Variants in EYS observed in about 807,000 individuals in gnomAD.
The protein encoded by EYS is EGF-like photoreceptor maintenance factor, also known as protein eyes shut homolog.
Under a neutral mutation model 282.1 loss-of-function variants are expected in EYS, and 250 were observed. The ratio of observed to expected loss-of-function variants is 0.89; its 90% confidence interval spans 0.80 to 0.98. The LOEUF (loss-of-function observed/expected upper bound fraction) is 0.98, where lower values mean the gene tolerates loss of function less well. Ranked by LOEUF, EYS falls within the 50% of genes least tolerant of loss-of-function variation. The pLI, the probability that EYS is intolerant of heterozygous loss-of-function variation, is 0.00. For missense variants in EYS, 4,016 were observed against 3,709.0 expected (o/e 1.08, Z -2.15); for synonymous variants, 1,355 against 1,282.9 (o/e 1.06, Z -1.20).
chr6:64,861,696 T>A (rs1248453743), intron 19 of EYS, among the ~76,000 whole-genome samples: 1 of 152,216 alleles, frequency 6.6e-6, no homozygotes, highest in Non-Finnish European at 1.5e-5. Flanking sequence ...TTTCTGAACC[T>A]TATAATATAA....
chr6:63,787,988 A>G lies in EYS; in HGVS notation c.7723+117T>C, dbSNP rs186570948. 2,539 of 732,788 alleles carry G rather than the reference A, an allele frequency of 3.5e-3. 15 individuals are homozygous for G. Among genetic ancestry groups the G allele is most frequent in the Non-Finnish European group, 4.2e-3 (2,033 of 482,098 alleles). 45.4% of individuals were successfully genotyped at this position (732,788 alleles called of 1,614,324 possible). A position where few individuals can be genotyped will look rare whatever the true frequency, so the allele number is the denominator to read the frequency against. On this transcript the variant is annotated intron_variant, in intron 39 of 42. Coordinates refer to ENST00000503581, the MANE Select transcript of EYS (RefSeq NM_001142800.2). Reference sequence around the variant, plus strand: ...TTCTGATTAAAATCAAACTTTGTTCAAGTCTGAAAGCAATCCATATAGCTG... The same window carrying G: ...TTCTGATTAAAATCAAACTTTGTTCGAGTCTGAAAGCAATCCATATAGCTG...
At chr6:64,643,109 C>T (rs1362731676) in intron 22 of EYS, among the ~76,000 whole-genome samples, 2 of 77,708 alleles carry the variant, frequency 2.6e-5, no homozygotes, top group Admixed American at 1.9e-4. Flanking sequence ...GAGTGAAACT[C>T]CATCCCCCCC....
At chr6:64,933,191 A>T (rs1233292960) in intron 15 of EYS, among the ~76,000 whole-genome samples, 1 of 152,034 alleles carries the variant, frequency 6.6e-6, no homozygotes, top group Non-Finnish European at 1.5e-5. Flanking sequence ...ATGTCTTACC[A>T]AATCAGTAAT....
At chr6:63,827,225 C>T (rs1771493438) in intron 36 of EYS, among the ~76,000 whole-genome samples, 1 of 152,154 alleles carries the variant, frequency 6.6e-6, no homozygotes, top group Non-Finnish European at 1.5e-5. Context: ...GAAAATATCA[C>T]AAACCTAAAC....
rs529095555 is a variant in EYS at position 65,226,366 on chromosome 6, G to GA, written c.2023+69496dup. Among the ~76,000 whole-genome samples, 5 of 151,446 alleles carry GA rather than the reference G, an allele frequency of 3.3e-5. 1 individual carries two copies. The highest frequency in any genetic ancestry group is 2.6e-4 in the Admixed American group (4 of 15,196). ...ACACTCTAAACTGCAGAATATTACT[G>GA]AAAAAAAATTAAAAAACTAAATAAA... On this transcript the variant is annotated intron_variant, in intron 12 of 42. Transcript: ENST00000503581.
chr6:64,849,634 T>G (rs1385925966), intron 19 of EYS, among the ~76,000 whole-genome samples: 3 of 152,028 alleles, frequency 2.0e-5, no homozygotes, highest in Non-Finnish European at 4.4e-5. Flanking sequence ...CAGACAGATC[T>G]TTTCTGGAGG....
At chr6:64,315,782 C>T (rs966404006) in intron 29 of EYS, among the ~76,000 whole-genome samples, 1 of 151,578 alleles carries the variant, frequency 6.6e-6, no homozygotes, top group African/African-American at 2.4e-5. Context: ...ACATTTCAGG[C>T]CAATATCCCT....
chr6:65,211,441 T>A (rs945969461), intron 12 of EYS, among the ~76,000 whole-genome samples: 2 of 151,830 alleles, frequency 1.3e-5, no homozygotes, highest in Non-Finnish European at 2.9e-5. Flanking sequence ...TTAGAAAAAA[T>A]TTTGATGGAA....
chr6:64,836,959 G>A (rs982826480), intron 19 of EYS, among the ~76,000 whole-genome samples: 3 of 151,544 alleles, frequency 2.0e-5, no homozygotes, highest in Non-Finnish European at 4.4e-5. Flanking sequence ...ATGATGAAAA[G>A]TTTGACAGTT....
At chr6:65,220,659 G>A (rs905247513) in intron 12 of EYS, among the ~76,000 whole-genome samples, 1 of 152,122 alleles carries the variant, frequency 6.6e-6, no homozygotes, top group African/African-American at 2.4e-5. Context: ...CAGTAGAGTG[G>A]GGTGCTGCTG....
intron 22 of EYS, among the ~76,000 whole-genome samples, chr6:64,791,372 C>G (rs947259332): frequency 4.0e-5 from 6 of 151,712 alleles, no homozygotes; most frequent in African/African-American, 1.5e-4. Flanking sequence ...TTTGCCATTT[C>G]CACACTATAT....
At chr6:64,537,834 A>G (rs1249518226) in intron 26 of EYS, among the ~76,000 whole-genome samples, 3 of 152,166 alleles carry the variant, frequency 2.0e-5, no homozygotes, top group Admixed American at 6.5e-5. Context: ...CTCTGGGGTA[A>G]TATTTTTAAA....
intron 5 of EYS, among the ~76,000 whole-genome samples, chr6:65,479,999 C>CAAAA (rs71002309): frequency 1.1e-4 from 14 of 126,242 alleles, no homozygotes; most frequent in South Asian, 2.5e-4. Context: ...ACTAAAAATA[C>CAAAA]AAAAAAAAAA....
At chr6:65,278,585 G>A (rs550607470) in intron 12 of EYS, among the ~76,000 whole-genome samples, 1 of 151,840 alleles carries the variant, frequency 6.6e-6, no homozygotes, top group African/African-American at 2.4e-5. Context: ...TGGCATAAAT[G>A]TATTCACCCC....
intron 29 of EYS, among the ~76,000 whole-genome samples, chr6:64,363,473 C>A (rs1772085769): frequency 6.6e-6 from 1 of 151,818 alleles, no homozygotes; most frequent in African/African-American, 2.4e-5. Flanking sequence ...CCCTGTGCAA[C>A]CTATTAACTG....
At chr6:65,519,851 G>C (rs919345192) in intron 2 of EYS, among the ~76,000 whole-genome samples, 24 of 146,624 alleles carry the variant, frequency 1.6e-4, no homozygotes, top group African/African-American at 6.0e-4. Flanking sequence ...TGAGTAGCTA[G>C]GATTACAGGC....
intron 36 of EYS, among the ~76,000 whole-genome samples, chr6:63,819,344 T>A (rs1395763479): frequency 6.6e-6 from 1 of 152,218 alleles, no homozygotes; most frequent in African/African-American, 2.4e-5. Context: ...CTATGTCTCT[T>A]GAGAGCTTTA....
At chr6:65,263,601 G>T (rs768025382) in intron 12 of EYS, among the ~76,000 whole-genome samples, 1 of 151,802 alleles carries the variant, frequency 6.6e-6, no homozygotes, top group Non-Finnish European at 1.5e-5. Flanking sequence ...TTATTTTCAT[G>T]AATATTGGAA....
intron 42 of EYS, among the ~76,000 whole-genome samples, chr6:63,724,785 T>A (rs1257509064): frequency 1.3e-5 from 2 of 152,154 alleles, no homozygotes; most frequent in East Asian, 3.8e-4. Context: ...AATTTAGAAT[T>A]TGGTTTTCAA....
Sources: allele counts gnomAD v4.1 joint callset (sites outside exome capture counted in the v4.1 genomes callset), GRCh38; gene constraint gnomAD v4.1.1; transcripts MANE v1.5; gene names NCBI Gene and HGNC (gene_info 2026-07-23, HGNC 2026-07-21).